Variants in DPT observed in about 807,000 individuals in gnomAD.
DPT encodes tyrosine-rich acidic matrix protein.
DPT carries 21 observed loss-of-function variants against 31.2 expected under a neutral mutation model. That is an observed-to-expected ratio of 0.67 (90% CI 0.48 to 0.97). The LOEUF is 0.97. Ranked by LOEUF, DPT falls within the 50% of genes least tolerant of loss-of-function variation. DPT has a pLI of 0.00. For synonymous variants in DPT, 91 were observed against 86.9 expected (o/e 1.05, Z -0.26); for missense variants, 262 against 258.8 (o/e 1.01, Z -0.08).
At position 168,707,712 on chromosome 1, in the gene DPT, C is replaced by T. The variant is rs553992470; in HGVS notation, c.431+6509G>A. Among the ~76,000 whole-genome samples, 17 of 152,286 alleles carry T rather than the reference C, an allele frequency of 1.1e-4. No individual in the cohort carries two copies. In the South Asian group the frequency reaches 1.5e-3, roughly 13 times the overall value. On this transcript the variant is annotated intron_variant, in intron 2 of 3. Transcript: ENST00000367817. ...GTCACTCTCATGCTGTTCTCATGATCGTGAGTGAGTTCTCACGAGATCTGA... is the reference window on the plus strand; with the variant it reads ...GTCACTCTCATGCTGTTCTCATGATTGTGAGTGAGTTCTCACGAGATCTGA...
At chr1:168,722,152 G>T (rs1650129017) in intron 1 of DPT, among the ~76,000 whole-genome samples, 1 of 152,178 alleles carries the variant, frequency 6.6e-6, no homozygotes, top group Admixed American at 6.5e-5. Context: ...CACAGGAATT[G>T]CATGAGCTAC....
intron 1 of DPT, among the ~76,000 whole-genome samples, chr1:168,715,529 A>G (rs1457143508): frequency 6.6e-6 from 1 of 152,208 alleles, no homozygotes; most frequent in African/African-American, 2.4e-5. Flanking sequence ...CAAATTCAAG[A>G]TTGTATTATG....
At chr1:168,728,754 G>T in intron 1 of DPT, 116 bp downstream of exon 1, 2 of 1,294,780 alleles carry the variant, frequency 1.5e-6, no homozygotes, top group Non-Finnish European at 2.2e-6. Context: ...TGAGGTTTGG[G>T]GTGGGATTTG....
intron 1 of DPT, among the ~76,000 whole-genome samples, chr1:168,726,116 C>G (rs937402127): frequency 1.8e-4 from 27 of 152,150 alleles, no homozygotes; most frequent in Middle Eastern, 3.2e-3. Context: ...TGTGAGTTTT[C>G]AACCCTGTGA....
chr1:168,700,355 G>A (rs1649567137), intron 3 of DPT, among the ~76,000 whole-genome samples: 1 of 152,176 alleles, frequency 6.6e-6, no homozygotes, highest in Admixed American at 6.5e-5. Flanking sequence ...GGACTTTCCA[G>A]CTTCCAGAAC....
intron 1 of DPT, 112 bp downstream of exon 1, chr1:168,728,758 G>T: frequency 1.5e-6 from 2 of 1,345,852 alleles, no homozygotes; most frequent in Non-Finnish European, 2.1e-6. Context: ...GTTTGGGGTG[G>T]GATTTGCCCA....
intron 1 of DPT, among the ~76,000 whole-genome samples, chr1:168,723,214 TA>T (rs1327755687): frequency 6.6e-6 from 1 of 152,218 alleles, no homozygotes; most frequent in Non-Finnish European, 1.5e-5. Context: ...GGAACAAAAA[TA>T]ACATCAGCAT....
chr1:168,697,189 G>A (rs962130369), intron 3 of DPT, among the ~76,000 whole-genome samples: 6 of 152,070 alleles, frequency 3.9e-5, no homozygotes, highest in African/African-American at 7.2e-5. Flanking sequence ...GCTGGAGTCC[G>A]GGAGGTTGAA....
Position 168,696,402 on chromosome 1 carries a change from AG to A in DPT, c.*146del. The stretch of plus-strand genomic sequence containing the variant: ...AGTGTGATACTAGTCAGAAAGGCCC[AG>A]GAAGTTGGCATTGCAGTTACCAGCT... On this transcript the variant is annotated 3_prime_UTR_variant, in exon 4 of 4. Transcript: ENST00000367817. The A allele has an allele frequency of 3.1e-6, 2 of 638,344 alleles. No homozygotes were observed. The highest frequency in any genetic ancestry group is 5.5e-6 in the Non-Finnish European group (2 of 364,756). The allele number at this position is 638,344 out of a possible 1,614,324, so 39.5% of individuals were successfully genotyped here. A position where few individuals can be genotyped will look rare whatever the true frequency, so the allele number is the denominator to read the frequency against.
At chr1:168,711,491 C>T (rs538238228) in intron 2 of DPT, among the ~76,000 whole-genome samples, 5 of 152,274 alleles carry the variant, frequency 3.3e-5, no homozygotes, top group East Asian at 3.9e-4. Flanking sequence ...GCAGAGACCT[C>T]GAGCCTTGCT....
chr1:168,714,723 G>C (rs993973473), intron 1 of DPT, among the ~76,000 whole-genome samples: 1 of 152,102 alleles, frequency 6.6e-6, no homozygotes, highest in Admixed American at 6.5e-5. Flanking sequence ...CATTTTACTG[G>C]AATTTAAAAT....
intron 3 of DPT, among the ~76,000 whole-genome samples, chr1:168,700,561 C>T (rs1649571858): frequency 6.6e-6 from 1 of 152,090 alleles, no homozygotes; most frequent in Non-Finnish European, 1.5e-5. Context: ...TGACAATGGG[C>T]ACTCCTCTAA....
At position 168,729,020 on chromosome 1, in the gene DPT, TG is replaced by T; in HGVS notation, c.154del (p.Gln52ArgfsTer4). ...CCTCACGGCCACTATCACCTGCCCC[TG>T]GGGACACTGGTAGCTGAAGCCTTGC... is the stretch of plus-strand genomic sequence containing the variant. ...NRQGFSYQCP[Q>X]GQVIVAVRSI... On this transcript the variant is annotated frameshift_variant, in exon 1 of 4. Transcript: ENST00000367817. LOFTEE classifies it high-confidence loss of function. The T allele has an allele frequency of 6.2e-7, 1 of 1,614,204 alleles. No individual in the cohort carries two copies. The highest frequency in any genetic ancestry group is 8.5e-7 in the Non-Finnish European group (1 of 1,180,028).
At chr1:168,703,715 G>T (rs1001291446) in intron 2 of DPT, among the ~76,000 whole-genome samples, 19 of 152,180 alleles carry the variant, frequency 1.2e-4, no homozygotes, top group Admixed American at 6.5e-5. Context: ...AAGGAGGAGA[G>T]GGAAGGAGGT....
intron 2 of DPT, among the ~76,000 whole-genome samples, chr1:168,708,454 A>C (rs1649770013): frequency 6.6e-6 from 1 of 152,240 alleles, no homozygotes; most frequent in Non-Finnish European, 1.5e-5. Flanking sequence ...TAAACCCAAT[A>C]TAAGTTCCTT....
chr1:168,710,070 A>C (rs1228230792), intron 2 of DPT, among the ~76,000 whole-genome samples: 1 of 152,150 alleles, frequency 6.6e-6, no homozygotes, highest in African/African-American at 2.4e-5. Flanking sequence ...AATAAGACCT[A>C]ATTTATGCCC....
Position 168,696,256 on chromosome 1 carries a change from CG to C in DPT, c.*292del. The C allele has an allele frequency of 2.3e-6, 1 of 431,560 alleles. No homozygotes were observed. The highest frequency in any genetic ancestry group is 4.1e-6 in the Non-Finnish European group (1 of 246,094). The allele number at this position is 431,560 out of a possible 1,614,324, so 26.7% of individuals were successfully genotyped here. A position where few individuals can be genotyped will look rare whatever the true frequency, so the allele number is the denominator to read the frequency against. On this transcript the variant is annotated 3_prime_UTR_variant, in exon 4 of 4. Coordinates refer to ENST00000367817, the MANE Select transcript of DPT (RefSeq NM_001937.5). ...GGCTGCAGCTGGTGCTCCAGAAGCC[CG>C]GCTGTAAGCATGCGCACTGTATATG... is the stretch of plus-strand genomic sequence containing the variant.
chr1:168,718,312 C>T lies in DPT; in HGVS notation c.306-3966G>A, dbSNP rs75956798. On this transcript the variant is annotated intron_variant, in intron 1 of 3. Coordinates refer to ENST00000367817, the MANE Select transcript of DPT (RefSeq NM_001937.5). ...GGCAATCCAAGTTCCACAAATTCCC[C>T]GCCAGCTGTTGGCCAGGCTGCTGGC... 7.5e-3 allele frequency among the ~76,000 whole-genome samples: 1,136 copies of T among 152,356 alleles called. 16 individuals carry two copies. Among genetic ancestry groups the T allele is most frequent in the African/African-American group, 0.026 (1,062 of 41,582 alleles).
intron 1 of DPT, among the ~76,000 whole-genome samples, chr1:168,721,404 T>C (rs1650111459): frequency 6.6e-6 from 1 of 152,158 alleles, no homozygotes; most frequent in Admixed American, 6.5e-5. Flanking sequence ...ACGTATATAA[T>C]TGAAAGGCAG....
Sources: allele counts gnomAD v4.1 joint callset (sites outside exome capture counted in the v4.1 genomes callset), GRCh38; gene constraint gnomAD v4.1.1; transcripts MANE v1.5; gene names NCBI Gene and HGNC (gene_info 2026-07-23, HGNC 2026-07-21).